The following CDH20 variants were observed in gnomAD, a reference collection of about 807,000 sequenced individuals.
CDH20 encodes the protein cadherin-20.
Under a neutral mutation model 74.2 loss-of-function variants are expected in CDH20, and 29 were observed. That is an observed-to-expected ratio of 0.39 (90% confidence interval 0.29 to 0.53). The LOEUF (loss-of-function observed/expected upper bound fraction) is 0.53. Ranked by LOEUF, CDH20 falls within the 20% of genes least tolerant of loss-of-function variation. CDH20 has a pLI of 0.69. For synonymous variants in CDH20, 469 were observed against 405.4 expected, an observed-to-expected ratio of 1.16 and a Z score of -1.88; for missense variants, 988 against 1,048.3, an observed-to-expected ratio of 0.94 and a Z score of 0.79.
At chr18:61,432,872 C>T (rs1913302898) in intron 1 of CDH20, among the ~76,000 whole-genome samples, 1 of 152,144 alleles carries the variant, frequency 6.6e-6, no homozygotes, top group African/African-American at 2.4e-5. Context: ...GTTTGTAGTT[C>T]AATTTATTTT....
intron 1 of CDH20, among the ~76,000 whole-genome samples, chr18:61,405,641 G>C (rs994301130): frequency 1.1e-4 from 17 of 151,988 alleles, no homozygotes; most frequent in African/African-American, 4.1e-4. Context: ...ATTCCATCAG[G>C]TTCTTCTAGT....
intron 1 of CDH20, among the ~76,000 whole-genome samples, chr18:61,436,451 G>A (rs1338160729): frequency 6.6e-6 from 1 of 152,144 alleles, no homozygotes; most frequent in Non-Finnish European, 1.5e-5. Context: ...AGCTATCCTA[G>A]TGGATGTAAA....
chr18:61,424,980 G>C (rs762811228), intron 1 of CDH20, among the ~76,000 whole-genome samples: 25 of 149,502 alleles, frequency 1.7e-4, no homozygotes, highest in African/African-American at 4.7e-4. Flanking sequence ...TTACTTGATG[G>C]GTTCTTTATT....
intron 1 of CDH20, among the ~76,000 whole-genome samples, chr18:61,354,326 C>T (rs111771868): frequency 0.081 from 12,265 of 151,942 alleles, 631 homozygotes; most frequent in African/African-American, 0.15. Flanking sequence ...ACCCCTAGGT[C>T]TCCCGGTGTG....
At chr18:61,354,083 C>G (rs896043219) in intron 1 of CDH20, among the ~76,000 whole-genome samples, 1 of 151,834 alleles carries the variant, frequency 6.6e-6, no homozygotes, top group Non-Finnish European at 1.5e-5. Flanking sequence ...AAAAAGAAGG[C>G]TTTCAGTTTC....
At chr18:61,361,918 A>T (rs980620977) in intron 1 of CDH20, among the ~76,000 whole-genome samples, 1 of 152,218 alleles carries the variant, frequency 6.6e-6, no homozygotes, top group African/African-American at 2.4e-5. Context: ...TTATAATTAC[A>T]GTATTAGTTA....
chr18:61,385,745 C>T (rs976135375), intron 1 of CDH20, among the ~76,000 whole-genome samples: 1 of 151,978 alleles, frequency 6.6e-6, no homozygotes, highest in Admixed American at 6.6e-5. Flanking sequence ...AGCTGGCCAA[C>T]ATGGTGAAAC....
At chr18:61,480,726 T>C (rs17068364) in intron 1 of CDH20, among the ~76,000 whole-genome samples, 4,646 of 152,326 alleles carry the variant, frequency 0.031, 236 homozygotes, top group African/African-American at 0.11. Context: ...CATAGGTCAC[T>C]GTAATTTCTC....
At chr18:61,340,455 A>C (rs2144089428) in intron 1 of CDH20, among the ~76,000 whole-genome samples, 1 of 152,148 alleles carries the variant, frequency 6.6e-6, no homozygotes, top group East Asian at 1.9e-4. Context: ...GGTACAGGAA[A>C]GTTTTTTTGT....
chr18:61,345,614 G>A (rs1910091609), intron 1 of CDH20, among the ~76,000 whole-genome samples: 1 of 152,162 alleles, frequency 6.6e-6, no homozygotes, highest in Admixed American at 6.5e-5. Flanking sequence ...GTGGAATGGA[G>A]ATTAGCACAT....
At chr18:61,416,694 C>G (rs1912696644) in intron 1 of CDH20, among the ~76,000 whole-genome samples, 1 of 152,222 alleles carries the variant, frequency 6.6e-6, no homozygotes, top group African/African-American at 2.4e-5. Context: ...GCTTATCTCA[C>G]TGGCCAGGAC....
intron 1 of CDH20, among the ~76,000 whole-genome samples, chr18:61,372,235 C>A (rs8084236): frequency 6.6e-6 from 1 of 151,972 alleles, no homozygotes. Context: ...AGGATTTCTT[C>A]TCCCCACAAT....
chr18:61,364,666 C>T (rs1231353380), intron 1 of CDH20, among the ~76,000 whole-genome samples: 1 of 190 alleles, frequency 5.3e-3, no homozygotes, highest in Non-Finnish European at 0.013. Context: ...TGCCTGGCAC[C>T]CCTTCCCCAC....
intron 6 of CDH20, among the ~76,000 whole-genome samples, chr18:61,514,813 G>A (rs1911928269): frequency 6.6e-6 from 1 of 152,098 alleles, no homozygotes; most frequent in Admixed American, 6.6e-5. Flanking sequence ...AGGCTGCTTG[G>A]GGGTCAGGGG....
intron 1 of CDH20, among the ~76,000 whole-genome samples, chr18:61,340,481 G>A (rs1909912065): frequency 6.6e-6 from 1 of 151,914 alleles, no homozygotes; most frequent in African/African-American, 2.4e-5. Context: ...TTCTTTAGCT[G>A]GTATCTTTGG....
intron 1 of CDH20, among the ~76,000 whole-genome samples, chr18:61,470,793 G>T (rs1190914549): frequency 6.6e-6 from 1 of 152,054 alleles, no homozygotes; most frequent in Non-Finnish European, 1.5e-5. Context: ...ACAGATAGAG[G>T]TTTCTATAAT....
At chr18:61,489,273 A>G (rs1910875188) in intron 1 of CDH20, among the ~76,000 whole-genome samples, 1 of 152,240 alleles carries the variant, frequency 6.6e-6, no homozygotes, top group Non-Finnish European at 1.5e-5. Context: ...GGTGGAAGGT[A>G]GTAACTAAGT....
chr18:61,408,204 T>C (rs995248953), intron 1 of CDH20, among the ~76,000 whole-genome samples: 2 of 151,886 alleles, frequency 1.3e-5, no homozygotes, highest in Non-Finnish European at 2.9e-5. Flanking sequence ...AGGAGGCTAA[T>C]GAAAAAAAAT....
chr18:61,428,477 ACAGATGG>A (rs1478387787), intron 1 of CDH20, among the ~76,000 whole-genome samples: 1 of 152,178 alleles, frequency 6.6e-6, no homozygotes, highest in African/African-American at 2.4e-5. Context: ...TAGCACAGCC[ACAGATGG>A]CTGCTGGGGT....
Sources: allele counts gnomAD v4.1 joint callset (sites outside exome capture counted in the v4.1 genomes callset), GRCh38; gene constraint gnomAD v4.1.1; transcripts MANE v1.5; gene names NCBI Gene and HGNC (gene_info 2026-07-23, HGNC 2026-07-21).